The following ABLIM1 variants were observed in gnomAD, a reference collection of about 807,000 sequenced individuals.
ABLIM1 encodes actin-binding LIM protein 1.
Under a neutral mutation model 107.0 loss-of-function variants are expected in ABLIM1, and 40 were observed. That is an observed-to-expected ratio of 0.37 (90% CI 0.29 to 0.49). ABLIM1 has a LOEUF of 0.49. Among genes scored for constraint, ABLIM1 ranks in the 20% least tolerant of loss-of-function variants. The pLI, the probability that ABLIM1 is intolerant of heterozygous loss-of-function variation, is 0.97. For synonymous variants in ABLIM1, 357 were observed against 357.3 expected (o/e 1.00, Z 0.01); for missense variants, 857 against 1,008.5 (o/e 0.85, Z 2.04).
intron 1 of ABLIM1, chr10:114,690,357 G>C: frequency 6.2e-7 from 1 of 1,604,818 alleles, no homozygotes; most frequent in South Asian, 1.1e-5. Flanking sequence ...CAAGATGCCA[G>C]GACCTGTATG....
At chr10:114,632,774 C>T (rs1028005989) in intron 1 of ABLIM1, 1 of 985,274 alleles carries the variant, frequency 1.0e-6, no homozygotes, top group Admixed American at 6.1e-5. Flanking sequence ...TTTAGACAAG[C>T]CCCTTGGATG....
intron 6 of ABLIM1, among the ~76,000 whole-genome samples, chr10:114,500,690 A>T (rs1198353433): frequency 6.8e-6 from 1 of 147,964 alleles, no homozygotes; most frequent in African/African-American, 2.5e-5. Context: ...AAAGAAAAAA[A>T]AAAAAAAAAA....
intron 1 of ABLIM1, among the ~76,000 whole-genome samples, chr10:114,751,892 C>T (rs1036114117): frequency 1.3e-5 from 2 of 152,108 alleles, no homozygotes; most frequent in Non-Finnish European, 2.9e-5. Flanking sequence ...CCAAATCCAT[C>T]GCAAGCTACT....
chr10:114,671,710 T>C (rs540828222), intron 1 of ABLIM1, among the ~76,000 whole-genome samples: 35 of 152,348 alleles, frequency 2.3e-4, no homozygotes, highest in African/African-American at 7.7e-4. Flanking sequence ...TGGTGTCTCA[T>C]TGAGGTTTTA....
At chr10:114,474,117 C>A (rs984451586) in intron 8 of ABLIM1, among the ~76,000 whole-genome samples, 161 bp from the exon 9 acceptor site, 2 of 152,176 alleles carry the variant, frequency 1.3e-5, no homozygotes, top group African/African-American at 4.8e-5. Context: ...AAGGTAAATG[C>A]AAACTAGTTG....
chr10:114,653,050 AG>A (rs1294316565), intron 1 of ABLIM1, among the ~76,000 whole-genome samples: 1 of 152,186 alleles, frequency 6.6e-6, no homozygotes, highest in African/African-American at 2.4e-5. Context: ...TATGCTCCTC[AG>A]GCTGAGGCAG....
rs148236489 is a variant in ABLIM1, at chr10:114,715,491, C to T, written c.-213+52570G>A. On this transcript the variant is annotated intron_variant, in intron 1 of 15. Transcript: ENST00000651092. Reference sequence around the variant, plus strand: ...AACAAATTACACTTCTTAAAAGACACGTATTTCCTAAAAATGCCTCCTCCC... The same window carrying T: ...AACAAATTACACTTCTTAAAAGACATGTATTTCCTAAAAATGCCTCCTCCC... Among the ~76,000 whole-genome samples the T allele has an allele frequency of 2.7e-4, 41 of 152,256 alleles. No individual in the cohort carries two copies. The East Asian group carries it at 3.3e-3, about 12-fold the overall frequency.
intron 21 of ABLIM1, 83 bp from the exon 22 acceptor site, chr10:114,438,007 C>T (rs979068609): frequency 7.9e-6 from 10 of 1,272,508 alleles, no homozygotes; most frequent in Middle Eastern, 1.9e-4. Context: ...CTAGTACTCC[C>T]AAGATAGAGC....
chr10:114,753,366 C>T (rs2082559974), intron 1 of ABLIM1, among the ~76,000 whole-genome samples: 1 of 152,168 alleles, frequency 6.6e-6, no homozygotes, highest in African/African-American at 2.4e-5. Context: ...AAGTTACAGA[C>T]TAATACTTTC....
chr10:114,745,899 T>C (rs150923936), intron 1 of ABLIM1, among the ~76,000 whole-genome samples: 2 of 152,246 alleles, frequency 1.3e-5, no homozygotes, highest in Non-Finnish European at 2.9e-5. Flanking sequence ...ATCTCTATAA[T>C]GCAAGGAAGA....
upstream of ABLIM1, among the ~76,000 whole-genome samples, chr10:114,686,378 C>T (rs1373713836): frequency 1.3e-5 from 2 of 151,770 alleles, no homozygotes; most frequent in Non-Finnish European, 2.9e-5. Flanking sequence ...GCAGGCATGG[C>T]GGCCTGCACC....
intron 1 of ABLIM1, among the ~76,000 whole-genome samples, chr10:114,741,211 T>G (rs1349176359): frequency 7.3e-6 from 1 of 136,066 alleles, no homozygotes; most frequent in African/African-American, 2.7e-5. Flanking sequence ...GATAGGACTA[T>G]TCTTCTTTTT....
intron 1 of ABLIM1, among the ~76,000 whole-genome samples, chr10:114,757,337 T>G (rs539074370): frequency 5.9e-5 from 9 of 152,274 alleles, no homozygotes; most frequent in African/African-American, 2.2e-4. Context: ...TCAGGCAAGT[T>G]TCTTCATTTC....
the ABLIM1 span, among the ~76,000 whole-genome samples, chr10:114,795,478 G>C: frequency 6.6e-6 from 1 of 152,156 alleles, no homozygotes; most frequent in South Asian, 2.1e-4. Context: ...AGGCCGAAGT[G>C]GGCGGATCAC....
chr10:114,560,480 G>A (rs1171977300), intron 4 of ABLIM1, among the ~76,000 whole-genome samples: 1 of 152,144 alleles, frequency 6.6e-6, no homozygotes, highest in Admixed American at 6.5e-5. Flanking sequence ...CCCTTTCTAT[G>A]TATAGATATG....
chr10:114,476,646 A>AAATAATAATAACAAT (rs1555068648), intron 8 of ABLIM1, among the ~76,000 whole-genome samples: 1 of 143,284 alleles, frequency 7.0e-6, no homozygotes, highest in Non-Finnish European at 1.5e-5. Flanking sequence ...CTCTGCCTCA[A>AAATAATAATAACAAT]AATAATAATA....
intron 17 of ABLIM1, 69 bp from the exon 18 acceptor site, chr10:114,441,855 C>A (rs1258081224): frequency 2.2e-6 from 3 of 1,390,280 alleles, no homozygotes; most frequent in Non-Finnish European, 3.1e-6. Flanking sequence ...ATGAAATTGG[C>A]AGTATCTTCT....
At chr10:114,583,474 T>C (rs1233579196) in intron 2 of ABLIM1, among the ~76,000 whole-genome samples, 5 of 10,898 alleles carry the variant, frequency 4.6e-4, no homozygotes, top group African/African-American at 5.5e-4. Flanking sequence ...CACACATATA[T>C]ATATATATAT....
At chr10:114,706,654 G>C (rs767711434) in intron 1 of ABLIM1, among the ~76,000 whole-genome samples, 5 of 152,190 alleles carry the variant, frequency 3.3e-5, no homozygotes, top group Admixed American at 2.0e-4. Flanking sequence ...GGCTAAAGAC[G>C]TCCACAGCAA....
Sources: gnomAD v4.1 joint callset for allele counts (sites outside exome capture counted in the v4.1 genomes callset) on GRCh38, gnomAD v4.1.1 for gene constraint, MANE v1.5 for transcripts, NCBI Gene and HGNC (gene_info 2026-07-23, HGNC 2026-07-21) for gene names.